COX18: variants seen among roughly 807,000 people sequenced by gnomAD.
COX18 encodes cytochrome c oxidase assembly factor COX18, also known as cytochrome c oxidase assembly protein COX18, mitochondrial.
Under a neutral mutation model 38.0 loss-of-function variants are expected in COX18, and 45 were observed. That is an observed-to-expected ratio of 1.18 (90% CI 0.93 to 1.52). The LOEUF (loss-of-function observed/expected upper bound fraction) is 1.52, where lower values mean the gene tolerates loss of function less well. Among genes scored for constraint, COX18 ranks in the 40% most tolerant of loss-of-function variants. The pLI is 0.00. For synonymous variants in COX18, 177 were observed against 169.8 expected (o/e 1.04, Z -0.33); for missense variants, 462 against 423.8 (o/e 1.09, Z -0.79).
intron 2 of COX18, among the ~76,000 whole-genome samples, chr4:73,067,437 G>A (rs1720503836): frequency 2.0e-5 from 3 of 151,952 alleles, no homozygotes; most frequent in African/African-American, 7.3e-5. Flanking sequence ...TTTTTCAATA[G>A]GCTGGAATCC....
At chr4:73,068,534 C>G (rs1720585477) in intron 1 of COX18, 2 of 155,222 alleles carry the variant, frequency 1.3e-5, no homozygotes, top group Non-Finnish European at 2.9e-5. Flanking sequence ...AGCCACAAAT[C>G]AAAAGTAAAA....
Position 73,069,640 on chromosome 4 carries a change from G to C in COX18, c.10C>G (p.Arg4Gly). MLC[R>G]LGGRWLRPLP... is the part of the protein sequence containing the mutation. ...GGCCGCAGCCACCGACCGCCGAGCCGGCACAGCATTTCTGCACCACGGCGG... is the reference window on the plus strand; with the variant it reads ...GGCCGCAGCCACCGACCGCCGAGCCCGCACAGCATTTCTGCACCACGGCGG... Residue 4 changes from arginine (R) to glycine (G), a missense_variant, in exon 1 of 6, where the codon CGG (arginine) becomes GGG (glycine). Coordinates refer to ENST00000507544, the MANE Select transcript of COX18 (RefSeq NM_001297732.2). 4 of 1,549,458 alleles carry C rather than the reference G, an allele frequency of 2.6e-6. No homozygotes were observed. Among genetic ancestry groups the C allele is most frequent in the Non-Finnish European group, 3.5e-6 (4 of 1,152,668 alleles).
In COX18 at chr4:73,068,353, C is replaced by A. The variant is rs576983610; in HGVS notation, c.334-224G>T. Among the ~76,000 whole-genome samples the A allele has an allele frequency of 5.9e-5, 9 of 152,242 alleles. No homozygotes were observed. The East Asian group carries it at 1.7e-3, about 29-fold the overall frequency. Reference sequence around the variant, plus strand: ...ATGTGATCCTGTGCAAGTAACTTAACCTCTAAAATCATGTTCCCTCACATA... The same window carrying A: ...ATGTGATCCTGTGCAAGTAACTTAAACTCTAAAATCATGTTCCCTCACATA... On this transcript the variant is annotated intron_variant, in intron 1 of 5. Coordinates refer to ENST00000507544, the MANE Select transcript of COX18 (RefSeq NM_001297732.2).
At chr4:73,065,066 T>C (rs945458464) in intron 3 of COX18, among the ~76,000 whole-genome samples, 164 bp from the exon 4 acceptor site, 11 of 152,108 alleles carry the variant, frequency 7.2e-5, no homozygotes, top group Admixed American at 3.9e-4. Flanking sequence ...ATATTTTTTC[T>C]CAATACAAAA....
intron 2 of COX18, among the ~76,000 whole-genome samples, chr4:73,066,225 G>A (rs1325627750): frequency 6.6e-6 from 1 of 152,124 alleles, no homozygotes; most frequent in East Asian, 1.9e-4. Flanking sequence ...TACTCCTCTA[G>A]ACACCTGCAT....
intron 2 of COX18, among the ~76,000 whole-genome samples, chr4:73,065,985 G>A (rs1472334713): frequency 6.6e-6 from 1 of 152,070 alleles, no homozygotes; most frequent in Non-Finnish European, 1.5e-5. Context: ...TCTTCCTTCA[G>A]GTCCAAGAGA....
In COX18 at chr4:73,064,524, G is replaced by A. The variant is rs191108904; in HGVS notation, c.723+254C>T. 3.9e-5 allele frequency among the ~76,000 whole-genome samples: 6 copies of A among 152,270 alleles called. No homozygotes were observed. In the East Asian group the frequency reaches 1.2e-3, roughly 29 times the overall value. On this transcript the variant is annotated intron_variant, in intron 4 of 5. Transcript: ENST00000507544. ...GCAAGTCACAAAATTCTATGTATCAGAATCATATAATTTTGAAGCTGAAAG... is the reference window on the plus strand; with the variant it reads ...GCAAGTCACAAAATTCTATGTATCAAAATCATATAATTTTGAAGCTGAAAG...
Position 73,054,499 on chromosome 4 carries a change from C to A in COX18, c.*3615G>T, listed in dbSNP as rs534535318. On this transcript the variant is annotated 3_prime_UTR_variant, in exon 6 of 6. Transcript: ENST00000507544. ...ACATGGGTTTATCCCAAGATCCCAGCAACCCCCACTTGTGAGAAATTATTT... is the reference window on the plus strand; with the variant it reads ...ACATGGGTTTATCCCAAGATCCCAGAAACCCCCACTTGTGAGAAATTATTT... 6.6e-6 allele frequency: 1 copy of A among 152,328 alleles called. No individual in the cohort carries two copies. Among genetic ancestry groups the A allele is most frequent in the South Asian group, 2.1e-4 (1 of 4,826 alleles). The allele number at this position is 152,328 out of a possible 1,614,324, so 9.4% of individuals were successfully genotyped here.
At position 73,064,857 on chromosome 4, in the gene COX18, C is replaced by A; in HGVS notation, c.644G>T (p.Trp215Leu). Reference protein sequence around the residue: ...QEQLATGGILWFPDLTAPDST... With the variant: ...QEQLATGGILLFPDLTAPDST... ...GTCGGGTGCAGTGAGGTCAGGAAAC[C>A]ACAGAATTCCACCAGTAGCTAACTG... is the stretch of plus-strand genomic sequence containing the variant. Residue 215 changes from tryptophan (W) to leucine (L), a missense_variant, in exon 4 of 6, where the codon TGG becomes TTG. Trp to Leu is a moderately conservative substitution (Grantham distance 61). Coordinates refer to ENST00000507544, the MANE Select transcript of COX18 (RefSeq NM_001297732.2). 1 of 1,613,920 alleles carries A rather than the reference C, an allele frequency of 6.2e-7. No individual in the cohort carries two copies. The highest frequency in any genetic ancestry group is 8.5e-7 in the Non-Finnish European group (1 of 1,179,888).
Position 73,057,924 on chromosome 4 carries a change from G to C in COX18, c.*190C>G, listed in dbSNP as rs200609439. On this transcript the variant is annotated 3_prime_UTR_variant, in exon 6 of 6. Transcript: ENST00000507544. ...AGACCTCAGGTGATCCACCCACCTC[G>C]ACCTCCCAAAGTGCTGGGATTACAG... 1 of 329,942 alleles carries C rather than the reference G, an allele frequency of 3.0e-6. No individual in the cohort carries two copies. Among genetic ancestry groups the C allele is most frequent in the Non-Finnish European group, 5.7e-6 (1 of 175,062 alleles). 20.4% of individuals were successfully genotyped at this position (329,942 alleles called of 1,614,324 possible). A position where few individuals can be genotyped will look rare whatever the true frequency, so the allele number is the denominator to read the frequency against.
At chr4:73,067,884 T>TATATATATATATATAA (rs1289365401) in intron 2 of COX18, 145 bp downstream of exon 2, 4 of 109,670 alleles carry the variant, frequency 3.6e-5, no homozygotes, top group Admixed American at 1.2e-4. Context: ...TATATATATA[T>TATATATATATATATAA]AAAAAAAGAA....
chr4:73,066,069 C>A (rs1034952593), intron 2 of COX18, among the ~76,000 whole-genome samples: 5 of 152,122 alleles, frequency 3.3e-5, no homozygotes, highest in Admixed American at 3.3e-4. Flanking sequence ...ATCTTTAAAT[C>A]TCCTGTATCA....
intron 5 of COX18, among the ~76,000 whole-genome samples, 161 bp from the exon 6 acceptor site, chr4:73,058,448 G>C (rs558282657): frequency 1.3e-5 from 2 of 151,928 alleles, no homozygotes; most frequent in South Asian, 4.2e-4. Flanking sequence ...TAATAGACAG[G>C]GAAAAAAGGT....
chr4:73,062,622 A>C (rs537910918), intron 4 of COX18, among the ~76,000 whole-genome samples: 40 of 152,266 alleles, frequency 2.6e-4, no homozygotes, highest in African/African-American at 9.1e-4. Flanking sequence ...TGAGCTCAGG[A>C]GTTTGAGACC....
At chr4:73,058,698 A>G (rs1720011225) in intron 5 of COX18, among the ~76,000 whole-genome samples, 1 of 152,166 alleles carries the variant, frequency 6.6e-6, no homozygotes, top group African/African-American at 2.4e-5. Context: ...TTTTCCCCAT[A>G]CAGTCATCTA....
chr4:73,060,235 C>T (rs1475970469), intron 5 of COX18, among the ~76,000 whole-genome samples: 2 of 152,126 alleles, frequency 1.3e-5, no homozygotes, highest in African/African-American at 4.8e-5. Context: ...GTATTTAAGG[C>T]ATTGTGTTTT....
intron 2 of COX18, among the ~76,000 whole-genome samples, chr4:73,067,749 G>A (rs1720518150): frequency 7.0e-6 from 1 of 142,082 alleles, no homozygotes; most frequent in Non-Finnish European, 1.5e-5. Flanking sequence ...GCTGAGGGAG[G>A]AGAATCGCTT....
chr4:73,062,223 G>A (rs948813231), intron 4 of COX18, among the ~76,000 whole-genome samples: 21 of 151,902 alleles, frequency 1.4e-4, no homozygotes, highest in Admixed American at 1.3e-3. Flanking sequence ...ACTGCACTCA[G>A]CTTGATCATC....
rs1468486840 is a variant in COX18, at chr4:73,056,530, G to A, written c.*1584C>T. 1.3e-5 allele frequency: 2 copies of A among 152,144 alleles called. No homozygotes were observed. The highest frequency in any genetic ancestry group is 2.9e-5 in the Non-Finnish European group (2 of 68,044). The allele number at this position is 152,144 out of a possible 1,614,324, so 9.4% of individuals were successfully genotyped here. On this transcript the variant is annotated 3_prime_UTR_variant, in exon 6 of 6. Coordinates refer to ENST00000507544, the MANE Select transcript of COX18 (RefSeq NM_001297732.2). ...AATGTACACTTTTTGTATTCTTTCT[G>A]AGCAGGGCCGGGAGGCAACATCATC... is the stretch of plus-strand genomic sequence containing the variant.
Sources: gnomAD v4.1 joint callset for allele counts (sites outside exome capture counted in the v4.1 genomes callset) on GRCh38, gnomAD v4.1.1 for gene constraint, MANE v1.5 for transcripts, NCBI Gene and HGNC (gene_info 2026-07-23, HGNC 2026-07-21) for gene names.